Variants in RBM20 observed in about 807,000 individuals in gnomAD.
RBM20 encodes the protein RNA-binding protein 20.
A neutral mutation model predicts 110.1 loss-of-function variants in RBM20; 51 were observed. The observed-to-expected ratio is 0.46, with a 90% confidence interval of 0.37 to 0.59. The LOEUF (loss-of-function observed/expected upper bound fraction) is 0.59, where lower values mean the gene tolerates loss of function less well. RBM20 is among the 20% of genes least tolerant of loss of function. RBM20 has a pLI of 0.00. For synonymous variants in RBM20, 589 were observed against 618.2 expected, an observed-to-expected ratio of 0.95 and a Z score of 0.70; for missense variants, 1,512 against 1,574.9, an observed-to-expected ratio of 0.96 and a Z score of 0.68.
chr10:110,778,740 C>A (rs904863517), intron 1 of RBM20, among the ~76,000 whole-genome samples: 14 of 152,208 alleles, frequency 9.2e-5, no homozygotes, highest in African/African-American at 3.4e-4. Context: ...GAATTTAAAA[C>A]CTGGAAAATG....
chr10:110,831,041 T>C lies in RBM20; in HGVS notation c.3452-20T>C. 6.5e-7 allele frequency: 1 copy of C among 1,545,978 alleles called. No individual in the cohort carries two copies. Among genetic ancestry groups the C allele is most frequent in the Admixed American group, 2.0e-5 (1 of 50,846 alleles). ...CCATGCCATCCTAACCCTGCGTGTC[T>C]ATCCCCCATCCTTTCCCAGGGGTGG... On this transcript the variant is annotated intron_variant, in intron 12 of 13. Coordinates refer to ENST00000369519, the MANE Select transcript of RBM20 (RefSeq NM_001134363.3).
rs1342793239 is a variant in RBM20, at chr10:110,810,395, G to A, written c.1813G>A (p.Ala605Thr). 1.9e-6 allele frequency: 3 copies of A among 1,551,488 alleles called. No individual in the cohort carries two copies. Among genetic ancestry groups the A allele is most frequent in the Middle Eastern group, 1.7e-4 (1 of 5,988 alleles). ...CTGACTTTGCTAGAAACCCGGGAAGGCCGTGGCTGCCATCATCCAGGACAT... is the reference window on the plus strand; with the variant it reads ...CTGACTTTGCTAGAAACCCGGGAAGACCGTGGCTGCCATCATCCAGGACAT... ...KELQLKKPGK[A>T]VAAIIQDIHS... Residue 605 changes from alanine (A) to threonine (T), a missense_variant, in exon 8 of 14, where the codon GCC (alanine) becomes ACC (threonine). By Grantham distance (58) the Ala-to-Thr change is moderately conservative. Coordinates refer to ENST00000369519, the MANE Select transcript of RBM20 (RefSeq NM_001134363.3).
rs750494502 is a variant in RBM20 at position 110,812,391 on chromosome 10, C to G, written c.1994C>G (p.Ser665Cys). The G allele has an allele frequency of 2.2e-5, 34 of 1,551,608 alleles. No individual in the cohort carries two copies. The highest frequency in any genetic ancestry group is 2.8e-5 in the Non-Finnish European group (32 of 1,147,020). Residue 665 changes from serine to cysteine, a missense_variant, in exon 9 of 14, where the codon TCC becomes TGC. Physicochemically the swap from Ser to Cys is moderately radical, Grantham distance 112. This residue lies in a region of RBM20 where 1,149 missense variants were observed against 1,169.4 expected (regional missense o/e 0.98). Coordinates refer to ENST00000369519, the MANE Select transcript of RBM20 (RefSeq NM_001134363.3). ...TCTTCCCACAGCCCTCCGGGCCCCTCCCGGGCTGACTGGGGCAATGGCCGG... is the reference window on the plus strand; with the variant it reads ...TCTTCCCACAGCCCTCCGGGCCCCTGCCGGGCTGACTGGGGCAATGGCCGG... Reference protein sequence around the residue: ...CSSSHSPPGPSRADWGNGRDS... With the variant: ...CSSSHSPPGPCRADWGNGRDS...
chr10:110,758,468 C>T (rs1843950663), intron 1 of RBM20, among the ~76,000 whole-genome samples: 1 of 152,030 alleles, frequency 6.6e-6, no homozygotes, highest in Non-Finnish European at 1.5e-5. Flanking sequence ...GTCCACACGC[C>T]CATACAAAAT....
intron 9 of RBM20, among the ~76,000 whole-genome samples, chr10:110,813,913 C>A (rs1367870904): frequency 1.3e-5 from 2 of 149,882 alleles, no homozygotes; most frequent in Non-Finnish European, 3.0e-5. Flanking sequence ...GGGCTTGCAG[C>A]AGTACTTCAG....
chr10:110,684,825 C>T (rs1277645653), intron 1 of RBM20, among the ~76,000 whole-genome samples: 8 of 152,122 alleles, frequency 5.3e-5, no homozygotes, highest in Admixed American at 4.6e-4. Context: ...GGGATGCAGC[C>T]TAAATAAAGT....
intron 12 of RBM20, among the ~76,000 whole-genome samples, chr10:110,828,562 G>C (rs1354810565): frequency 2.0e-5 from 3 of 152,224 alleles, no homozygotes; most frequent in Non-Finnish European, 4.4e-5. Flanking sequence ...CATTTAGGCA[G>C]TTATTAACAG....
intron 9 of RBM20, 99 bp from the exon 10 acceptor site, chr10:110,819,973 T>G: frequency 1.4e-6 from 1 of 694,336 alleles, no homozygotes; most frequent in South Asian, 2.3e-5. Context: ...ATGTGAAACC[T>G]ATCTGAGAGC....
At chr10:110,729,502 GTTTGATTAATATCTATCTCTTC>G (rs1843597607) in intron 1 of RBM20, among the ~76,000 whole-genome samples, 1 of 152,188 alleles carries the variant, frequency 6.6e-6, no homozygotes, top group Non-Finnish European at 1.5e-5. Context: ...TTATTTGACA[GTTTGATTAATATCTATCTCTTC>G]TTCTAGGCTA....
At chr10:110,802,659 C>CA (rs1214877306) in intron 7 of RBM20, among the ~76,000 whole-genome samples, 1 of 152,122 alleles carries the variant, frequency 6.6e-6, no homozygotes, top group Non-Finnish European at 1.5e-5. Context: ...TGGGGTGGTG[C>CA]AAAAAACATG....
At chr10:110,674,338 A>G (rs577087865) in intron 1 of RBM20, among the ~76,000 whole-genome samples, 43 of 152,246 alleles carry the variant, frequency 2.8e-4, no homozygotes, top group Non-Finnish European at 5.7e-4. Flanking sequence ...GGAATTGCTT[A>G]CAACAGGGAA....
intron 12 of RBM20, among the ~76,000 whole-genome samples, chr10:110,826,286 G>A (rs143461046): frequency 3.4e-4 from 51 of 152,106 alleles, no homozygotes; most frequent in Non-Finnish European, 4.7e-4. Context: ...TGCATATCAA[G>A]TGCATAGTTT....
intron 1 of RBM20, among the ~76,000 whole-genome samples, chr10:110,665,225 T>C (rs4633385): frequency 0.99 from 150,069 of 152,274 alleles, 73,994 homozygotes; most frequent in East Asian, 1. Context: ...AAGGAATGAA[T>C]ATTAGCATTT....
intron 5 of RBM20, among the ~76,000 whole-genome samples, chr10:110,786,453 G>A (rs147640851): frequency 5.0e-4 from 76 of 152,364 alleles, no homozygotes; most frequent in African/African-American, 1.5e-3. Context: ...ATGATGAGAC[G>A]TGAGGCCTGC....
chr10:110,799,735 G>C, intron 6 of RBM20, 52 bp from the exon 7 acceptor site: 2 of 1,523,962 alleles, frequency 1.3e-6, no homozygotes, highest in Non-Finnish European at 1.8e-6. Context: ...GCTGAATCTT[G>C]TTTAAGACCA....
At chr10:110,802,451 T>G (rs1295649202) in intron 7 of RBM20, among the ~76,000 whole-genome samples, 1 of 149,156 alleles carries the variant, frequency 6.7e-6, no homozygotes, top group African/African-American at 2.4e-5. Context: ...TCCCACCCCA[T>G]TCTATATCCA....
Position 110,714,598 on chromosome 10 carries a change from G to A in RBM20, c.192-66203G>A, listed in dbSNP as rs544483622. ...GAGAGCAGCTGCTGTCAGCTGTCAGGAGGAGCTGCTGCCCCAAGAGAGCAG... is the reference window on the plus strand; with the variant it reads ...GAGAGCAGCTGCTGTCAGCTGTCAGAAGGAGCTGCTGCCCCAAGAGAGCAG... On this transcript the variant is annotated intron_variant, in intron 1 of 13. Transcript: ENST00000369519. 4.5e-4 allele frequency among the ~76,000 whole-genome samples: 69 copies of A among 152,348 alleles called. 1 individual carries two copies. Among genetic ancestry groups the A allele is most frequent in the Non-Finnish European group, 8.1e-4 (55 of 68,032 alleles).
chr10:110,818,291 CAA>C (rs11430112), intron 9 of RBM20, among the ~76,000 whole-genome samples: 3 of 56,254 alleles, frequency 5.3e-5, no homozygotes, highest in Admixed American at 2.3e-4. Context: ...AACTCCATCT[CAA>C]AAAAAAAAAA....
At chr10:110,803,603 C>T (rs1180637940) in intron 7 of RBM20, among the ~76,000 whole-genome samples, 3 of 152,046 alleles carry the variant, frequency 2.0e-5, no homozygotes, top group Non-Finnish European at 4.4e-5. Context: ...ATTTTCTGAT[C>T]TTTAGCAGGG....
Sources: gnomAD v4.1 joint callset for allele counts (sites outside exome capture counted in the v4.1 genomes callset) on GRCh38, gnomAD v4.1.1 for gene constraint, gnomAD v4.1.1 regional missense constraint, MANE v1.5 for transcripts, NCBI Gene and HGNC (gene_info 2026-07-23, HGNC 2026-07-21) for gene names.